The following IFNAR2 variants were observed in gnomAD, a reference collection of about 807,000 sequenced individuals.
IFNAR2 encodes the protein interferon alpha and beta receptor subunit 2.
Under a neutral mutation model 49.4 loss-of-function variants are expected in IFNAR2, and 30 were observed. That is an observed-to-expected ratio of 0.61 (90% CI 0.45 to 0.82). The LOEUF is 0.82. Ranked by LOEUF, IFNAR2 falls within the 40% of genes least tolerant of loss-of-function variation. IFNAR2 has a pLI of 0.00. For synonymous variants in IFNAR2, 224 were observed against 234.5 expected, an observed-to-expected ratio of 0.96 and a Z score of 0.41; for missense variants, 600 against 622.7, an observed-to-expected ratio of 0.96 and a Z score of 0.39.
intron 8 of IFNAR2, 27 bp from the exon 9 acceptor site, chr21:33,262,766 C>T (rs745553126): frequency 1.1e-5 from 17 of 1,567,322 alleles, no homozygotes; most frequent in Admixed American, 2.0e-5. Context: ...GATACGGACT[C>T]TCTCTCTCTT....
chr21:33,258,379 ATGAAGGAGGG>A (rs1347451426), intron 7 of IFNAR2, among the ~76,000 whole-genome samples: 1 of 152,104 alleles, frequency 6.6e-6, no homozygotes, highest in Admixed American at 6.5e-5. Context: ...CAGAGTGAGG[ATGAAGGAGGG>A]GGCCATGAGC....
intron 1 of IFNAR2, among the ~76,000 whole-genome samples, chr21:33,236,274 T>C (rs1601787099): frequency 6.6e-6 from 1 of 152,224 alleles, no homozygotes; most frequent in South Asian, 2.1e-4. Flanking sequence ...GACTCTAGGA[T>C]GCATGTACTT....
rs201551708 is a variant in IFNAR2, at chr21:33,248,693, T to C, written c.395-16T>C. 2 of 1,591,960 alleles carry C rather than the reference T, an allele frequency of 1.3e-6. No homozygotes were observed. The highest frequency in any genetic ancestry group is 2.7e-5 in the African/African-American group (2 of 74,070). The stretch of plus-strand genomic sequence containing the variant: ...TCTCTGTGACATATTCCTGTCTGTT[T>C]TTGTTTTTTGCACAGTGTCTTTTGA... On this transcript the variant is annotated splice_polypyrimidine_tract_variant and intron_variant, in intron 5 of 8. Transcript: ENST00000342136.
chr21:33,245,890 G>A (rs1213528201), intron 4 of IFNAR2, among the ~76,000 whole-genome samples: 1 of 152,192 alleles, frequency 6.6e-6, no homozygotes, highest in Non-Finnish European at 1.5e-5. Flanking sequence ...AAGCTTGGTA[G>A]ATGAGATATC....
Position 33,262,809 on chromosome 21 carries a change from T to C in IFNAR2, c.857T>C (p.Leu286Ser), listed in dbSNP as rs1283736592. The stretch of plus-strand genomic sequence containing the variant: ...TTTTTTAAGAATTTTCATAACTTTT[T>C]AGCCTGGCCATTTCCTAACCTGCCA... ...LPKVLNFHNF[L>S]AWPFPNLPPL... is the part of the protein sequence containing the mutation. The change falls in exon 9 of 9, where the codon TTA (leucine) becomes TCA (serine). Residue 286 changes from leucine (L) to serine (S), a missense_variant. By Grantham distance (145) the Leu-to-Ser change is moderately radical. Coordinates refer to ENST00000342136, the MANE Select transcript of IFNAR2 (RefSeq NM_001289125.3). 6.3e-7 allele frequency: 1 copy of C among 1,596,582 alleles called. No homozygotes were observed.
Position 33,263,215 on chromosome 21 carries a change from T to TA in IFNAR2, c.1264dup (p.Thr422AsnfsTer15), listed in dbSNP as rs1262298942. On this transcript the variant is annotated frameshift_variant, in exon 9 of 9. Coordinates refer to ENST00000342136, the MANE Select transcript of IFNAR2 (RefSeq NM_001289125.3). LOFTEE classifies it high-confidence loss of function. ...CCACGGAGGGGTCTGGGGGCAGAATTACCTTCAATGTGGACTTAAACTCTG... is the reference window on the plus strand; with the variant it reads ...CCACGGAGGGGTCTGGGGGCAGAATTAACCTTCAATGTGGACTTAAACTCTG... 6.2e-7 allele frequency: 1 copy of TA among 1,614,072 alleles called. No homozygotes were observed. The highest frequency in any genetic ancestry group is 2.2e-5 in the East Asian group (1 of 44,888).
intron 3 of IFNAR2, 124 bp downstream of exon 3, chr21:33,243,838 G>T: frequency 1.3e-6 from 1 of 779,736 alleles, no homozygotes; most frequent in Non-Finnish European, 2.3e-6. Context: ...TGTTTTATTG[G>T]GATTCTTTCT....
At chr21:33,244,149 A>C (rs1306746349) in intron 3 of IFNAR2, among the ~76,000 whole-genome samples, 2 of 152,350 alleles carry the variant, frequency 1.3e-5, no homozygotes, top group Non-Finnish European at 2.9e-5. Flanking sequence ...TAAGTATTAA[A>C]TATGTGTCCA....
intron 6 of IFNAR2, among the ~76,000 whole-genome samples, chr21:33,249,852 G>A (rs568671011): frequency 6.6e-6 from 1 of 152,304 alleles, no homozygotes; most frequent in South Asian, 2.1e-4. Flanking sequence ...AGTGGGCCCG[G>A]TGTATTTCAG....
At chr21:33,242,769 GTGTGTGTGTGTGTGTGTGTGTGT>G (rs1568881935) in intron 2 of IFNAR2, among the ~76,000 whole-genome samples, 1 of 14,184 alleles carries the variant, frequency 7.1e-5, no homozygotes, top group South Asian at 1.1e-3. Context: ...GTGTGTGTGT[GTGTGTGTGTGTGTGTGTGTGTGT>G]GTGTGTGTGT....
rs17860114 is a variant in IFNAR2, at chr21:33,229,987, C to G, written c.-313C>G. ...TCGGCGCGCGCACCCGCACTAAAGA[C>G]GCTTCTTCCCGGCGGGTAGGAATCC... On this transcript the variant is annotated 5_prime_UTR_variant, in exon 1 of 9. Coordinates refer to ENST00000342136, the MANE Select transcript of IFNAR2 (RefSeq NM_001289125.3). 7.9e-4 allele frequency: 773 copies of G among 984,584 alleles called. 6 individuals carry two copies. The African/African-American group carries it at 0.012, about 15-fold the overall frequency. 61.0% of individuals were successfully genotyped at this position (984,584 alleles called of 1,614,324 possible). A position where few individuals can be genotyped will look rare whatever the true frequency, so the allele number is the denominator to read the frequency against.
chr21:33,235,084 C>G (rs541935516), intron 1 of IFNAR2, among the ~76,000 whole-genome samples: 60 of 152,176 alleles, frequency 3.9e-4, no homozygotes, highest in Non-Finnish European at 6.9e-4. Flanking sequence ...TGTGGTGGCA[C>G]TGGTGGGAGT....
rs1001042650 is a variant in IFNAR2, at chr21:33,230,877, G to C, written c.-84+661G>C. Among the ~76,000 whole-genome samples, 16 of 152,320 alleles carry C rather than the reference G, an allele frequency of 1.1e-4. No homozygotes were observed. The highest frequency in any genetic ancestry group is 3.9e-4 in the African/African-American group (16 of 41,556). The stretch of plus-strand genomic sequence containing the variant: ...ACTCCGCGAATATGGAGAGGCGATC[G>C]GCACTTGCATTTCAACCCTGAGCAA... On this transcript the variant is annotated intron_variant, in intron 1 of 8. Coordinates refer to ENST00000342136, the MANE Select transcript of IFNAR2 (RefSeq NM_001289125.3). This position sits in a 1 kb window ranked among gnomAD's most constrained non-coding sequence, Gnocchi z 5.5.
At chr21:33,232,946 G>C (rs1157642521) in intron 1 of IFNAR2, 6 of 984,026 alleles carry the variant, frequency 6.1e-6, no homozygotes, top group Non-Finnish European at 7.2e-6. Flanking sequence ...AATAGGAAAG[G>C]AAAGAACAAC....
rs1215481653 is a variant in IFNAR2, at chr21:33,252,846, T to A, written c.709+16T>A. On this transcript the variant is annotated intron_variant, in intron 7 of 8. Transcript: ENST00000342136. ...CAGGAATCAGGTATGTTCATTTTTT[T>A]AAATTCATGTTTTGAGTATTCATGC... is the stretch of plus-strand genomic sequence containing the variant. 3.1e-6 allele frequency: 5 copies of A among 1,598,972 alleles called. No individual in the cohort carries two copies. Among genetic ancestry groups the A allele is most frequent in the Admixed American group, 1.7e-5 (1 of 59,964 alleles).
At position 33,263,596 on chromosome 21, in the gene IFNAR2, C is replaced by A; in HGVS notation, c.*96C>A. ...CTGCCTTATCGTCTGCAAGTGTTCTCCAAGGGAAGGAGGAGGAAACTGTGG... is the reference window on the plus strand; with the variant it reads ...CTGCCTTATCGTCTGCAAGTGTTCTACAAGGGAAGGAGGAGGAAACTGTGG... On this transcript the variant is annotated 3_prime_UTR_variant, in exon 9 of 9. Transcript: ENST00000342136. 1 of 1,205,800 alleles carries A rather than the reference C, an allele frequency of 8.3e-7. No homozygotes were observed. Among genetic ancestry groups the A allele is most frequent in the Non-Finnish European group, 1.1e-6 (1 of 879,286 alleles). 74.7% of individuals were successfully genotyped at this position (1,205,800 alleles called of 1,614,324 possible).
Position 33,263,501 on chromosome 21 carries a change from C to T in IFNAR2, c.*1C>T, listed in dbSNP as rs192198222. On this transcript the variant is annotated 3_prime_UTR_variant, in exon 9 of 9. Transcript: ENST00000342136. The stretch of plus-strand genomic sequence containing the variant: ...TGGGGATGGTTATATAATGAGATGA[C>T]TCCAAAACTATTGAATGAACTTGGA... The T allele has an allele frequency of 5.6e-6, 9 of 1,599,220 alleles. No homozygotes were observed. In the Admixed American group the frequency reaches 1.4e-4, roughly 24 times the overall value.
At chr21:33,248,961 C>A in intron 6 of IFNAR2, 107 bp downstream of exon 6, 2 of 802,540 alleles carry the variant, frequency 2.5e-6, no homozygotes, top group Non-Finnish European at 4.0e-6. Flanking sequence ...AAAGCTAAAA[C>A]GTCAGGCTTC....
chr21:33,245,210 C>T, intron 4 of IFNAR2, 136 bp downstream of exon 4: 1 of 657,566 alleles, frequency 1.5e-6, no homozygotes, highest in Non-Finnish European at 2.6e-6. Flanking sequence ...GTTTCTTATT[C>T]AGAGCCTTAA....
Sources: gnomAD v4.1 joint callset for allele counts (sites outside exome capture counted in the v4.1 genomes callset) on GRCh38, gnomAD v4.1.1 for gene constraint, Gnocchi (gnomAD v3.1) non-coding constraint, MANE v1.5 for transcripts, NCBI Gene and HGNC (gene_info 2026-07-23, HGNC 2026-07-21) for gene names.